The following ELMO1 variants were observed in gnomAD, a reference collection of about 807,000 sequenced individuals.
ELMO1 encodes engulfment and cell motility protein 1.
In ELMO1, 26 loss-of-function variants were observed where a neutral mutation model predicts 98.9. The observed-to-expected ratio is 0.26, with a 90% CI of 0.19 to 0.36. The LOEUF (loss-of-function observed/expected upper bound fraction) is 0.36, where lower values mean the gene tolerates loss of function less well. Among genes scored for constraint, ELMO1 ranks in the 10% least tolerant of loss-of-function variants. The pLI, the probability that ELMO1 is intolerant of heterozygous loss-of-function variation, is 1.00. For missense variants in ELMO1, 627 were observed against 935.2 expected, an observed-to-expected ratio of 0.67 and a Z score of 4.30; for synonymous variants, 346 against 346.0, an observed-to-expected ratio of 1.00 and a Z score of 0.00.
At chr7:37,430,124 A>G (rs1804870105) in intron 1 of ELMO1, among the ~76,000 whole-genome samples, 1 of 152,220 alleles carries the variant, frequency 6.6e-6, no homozygotes, top group South Asian at 2.1e-4. Context: ...CCCCAAAAAT[A>G]GGGCTCTGGC....
At chr7:36,975,073 A>C (rs1370867979) in intron 16 of ELMO1, among the ~76,000 whole-genome samples, 1 of 152,244 alleles carries the variant, frequency 6.6e-6, no homozygotes, top group Non-Finnish European at 1.5e-5. Flanking sequence ...TCTTGAAGTC[A>C]GTAAGACCAA....
At chr7:37,426,023 A>G (rs1334540252) in intron 1 of ELMO1, among the ~76,000 whole-genome samples, 2 of 151,522 alleles carry the variant, frequency 1.3e-5, no homozygotes, top group Non-Finnish European at 2.9e-5. Flanking sequence ...GGGAGCTAAG[A>G]TGGACAGAGG....
chr7:37,174,496 G>A (rs1324015480), intron 13 of ELMO1, among the ~76,000 whole-genome samples: 5 of 152,118 alleles, frequency 3.3e-5, no homozygotes, highest in Non-Finnish European at 7.4e-5. Flanking sequence ...CTGGGCTCCT[G>A]GACACATCAG....
chr7:36,910,011 G>C (rs952897884), intron 16 of ELMO1, among the ~76,000 whole-genome samples: 43 of 152,162 alleles, frequency 2.8e-4, no homozygotes, highest in African/African-American at 9.4e-4. Context: ...TTCTGCGTAA[G>C]GCATTGCATA....
At chr7:36,962,622 C>G (rs1487343626) in intron 16 of ELMO1, among the ~76,000 whole-genome samples, 1 of 148,494 alleles carries the variant, frequency 6.7e-6, no homozygotes, top group Admixed American at 6.8e-5. Flanking sequence ...GAGGTGAAAG[C>G]TCCTTCCAAG....
rs912564700 is a variant in ELMO1 at position 37,401,596 on chromosome 7, G to A, written c.-74+47079C>T. 1.9e-4 allele frequency among the ~76,000 whole-genome samples: 29 copies of A among 152,182 alleles called. 1 individual carries two copies. Among genetic ancestry groups the A allele is most frequent in the Admixed American group, 1.9e-3 (29 of 15,284 alleles). On this transcript the variant is annotated intron_variant, in intron 1 of 21. Transcript: ENST00000310758. The stretch of plus-strand genomic sequence containing the variant: ...ACTTATAATCATGGCAGAAGGGGAA[G>A]CAAACACATCCTTCTTCACAAGGCG...
chr7:37,060,485 T>C (rs1157604516), intron 15 of ELMO1, among the ~76,000 whole-genome samples: 1 of 151,946 alleles, frequency 6.6e-6, no homozygotes, highest in Non-Finnish European at 1.5e-5. Flanking sequence ...AAGAGGAGAA[T>C]AACAGACACT....
chr7:37,092,366 C>CTTTTTTTTTTTTT lies in ELMO1; in HGVS notation c.1300+4240_1300+4252dup, dbSNP rs537388417. Among the ~76,000 whole-genome samples the CTTTTTTTTTTTTT allele has an allele frequency of 1.1e-3, 79 of 68,908 alleles. 8 individuals are homozygous for CTTTTTTTTTTTTT. Among genetic ancestry groups the CTTTTTTTTTTTTT allele is most frequent in the African/African-American group, 1.5e-3 (33 of 21,962 alleles). The allele number at this position is 68,908 out of a possible 152,430, so 45.2% of individuals were successfully genotyped here. On this transcript the variant is annotated intron_variant, in intron 15 of 21. Coordinates refer to ENST00000310758, the MANE Select transcript of ELMO1 (RefSeq NM_014800.11). ...ACTTGCAAAAAAAATTACCCATATTCTTTTTTTTTTTTTTTTTTTTTTTTT... is the reference window on the plus strand; with the variant it reads ...ACTTGCAAAAAAAATTACCCATATTCTTTTTTTTTTTTTTTTTTTTTTTTTTTTTTTTTTTTTT...
chr7:36,959,437 C>G (rs1228400371), intron 16 of ELMO1, among the ~76,000 whole-genome samples: 1 of 152,176 alleles, frequency 6.6e-6, no homozygotes, highest in Non-Finnish European at 1.5e-5. Flanking sequence ...AATGTTGAGG[C>G]TCATAAAATA....
intron 19 of ELMO1, among the ~76,000 whole-genome samples, chr7:36,872,161 G>A (rs761244932): frequency 2.0e-5 from 3 of 152,188 alleles, no homozygotes; most frequent in Non-Finnish European, 2.9e-5. Context: ...TCTAGGTGGA[G>A]GCCCTCCATT....
chr7:37,125,054 A>C (rs1357057910), intron 14 of ELMO1, among the ~76,000 whole-genome samples: 2 of 152,228 alleles, frequency 1.3e-5, no homozygotes, highest in Non-Finnish European at 2.9e-5. Context: ...CCTATTTAAC[A>C]AATGGTGCTG....
intron 1 of ELMO1, among the ~76,000 whole-genome samples, chr7:37,398,962 G>A (rs945436533): frequency 1.3e-5 from 2 of 152,132 alleles, no homozygotes; most frequent in Non-Finnish European, 2.9e-5. Context: ...GTACTTTTAT[G>A]TACCTGTACC....
chr7:37,272,802 T>A (rs1244531333), intron 4 of ELMO1, among the ~76,000 whole-genome samples: 1 of 152,096 alleles, frequency 6.6e-6, no homozygotes, highest in African/African-American at 2.4e-5. Flanking sequence ...TGCATTTGCA[T>A]GAAATGTCCA....
chr7:37,272,141 G>T lies in ELMO1; in HGVS notation c.193-259C>A, dbSNP rs746758014. Among the ~76,000 whole-genome samples the T allele has an allele frequency of 3.0e-4, 45 of 152,118 alleles. 1 individual carries two copies. Among genetic ancestry groups the T allele is most frequent in the Admixed American group, 9.8e-4 (15 of 15,272 alleles). On this transcript the variant is annotated intron_variant, in intron 4 of 21. Transcript: ENST00000310758. Reference sequence around the variant, plus strand: ...AAGTAATTTTAAAAGGTTATTAAGGGCATATGACCTGACTCCTACATTTCT... The same window carrying T: ...AAGTAATTTTAAAAGGTTATTAAGGTCATATGACCTGACTCCTACATTTCT...
intron 13 of ELMO1, among the ~76,000 whole-genome samples, chr7:37,143,457 A>G (rs1787770956): frequency 6.6e-6 from 1 of 152,140 alleles, no homozygotes; most frequent in Non-Finnish European, 1.5e-5. Flanking sequence ...CCCAGGCTGG[A>G]GTGCAGTGGT....
chr7:37,215,978 C>A (rs1459710425), intron 11 of ELMO1, among the ~76,000 whole-genome samples: 1 of 148,270 alleles, frequency 6.7e-6, no homozygotes, highest in East Asian at 1.9e-4. Context: ...CTTTTTCTTT[C>A]TTTTCCTCTT....
At chr7:37,308,675 G>A (rs761236067) in intron 4 of ELMO1, among the ~76,000 whole-genome samples, 30 of 152,220 alleles carry the variant, frequency 2.0e-4, no homozygotes, top group Non-Finnish European at 8.8e-5. Context: ...ACACTGGGGA[G>A]TCACTTCTAG....
chr7:37,350,636 C>T (rs1311862653), intron 1 of ELMO1, among the ~76,000 whole-genome samples: 1 of 152,188 alleles, frequency 6.6e-6, no homozygotes, highest in East Asian at 1.9e-4. Context: ...TTGATAGAGG[C>T]CTCTTTAGTA....
At chr7:36,940,349 T>C (rs1163749881) in intron 16 of ELMO1, among the ~76,000 whole-genome samples, 2 of 152,186 alleles carry the variant, frequency 1.3e-5, no homozygotes, top group South Asian at 2.1e-4. Context: ...AAGTCTTTCA[T>C]TCCTAGGGGT....
Sources: allele counts gnomAD v4.1 joint callset (sites outside exome capture counted in the v4.1 genomes callset), GRCh38; gene constraint gnomAD v4.1.1; transcripts MANE v1.5; gene names NCBI Gene and HGNC (gene_info 2026-07-23, HGNC 2026-07-21).